LINGO2: variants seen among roughly 807,000 people sequenced by gnomAD.
LINGO2 encodes leucine rich repeat and Ig domain containing 2, also known as leucine-rich repeat and immunoglobulin-like domain-containing nogo receptor-interacting protein 2.
Under a neutral mutation model 30.6 loss-of-function variants are expected in LINGO2, and 14 were observed. The ratio of observed to expected loss-of-function variants is 0.46; its 90% CI spans 0.30 to 0.72. The LOEUF is 0.72. Ranked by LOEUF, LINGO2 falls within the 30% of genes least tolerant of loss-of-function variation. LINGO2 has a pLI of 0.07. For synonymous variants in LINGO2, 317 were observed against 288.5 expected (o/e 1.10, Z -1.00); for missense variants, 729 against 751.7 (o/e 0.97, Z 0.35).
At chr9:28,630,788 C>T (rs1826900855) in intron 1 of LINGO2, among the ~76,000 whole-genome samples, 1 of 151,976 alleles carries the variant, frequency 6.6e-6, no homozygotes, top group African/African-American at 2.4e-5. Context: ...GTAGAATCTA[C>T]AGCTAATACT....
chr9:28,400,936 G>C (rs1180744112), intron 2 of LINGO2, among the ~76,000 whole-genome samples: 2 of 152,122 alleles, frequency 1.3e-5, no homozygotes, highest in Non-Finnish European at 2.9e-5. Flanking sequence ...AGTCTGAACA[G>C]ATCTTTTGAA....
At chr9:28,224,236 T>G (rs1821067950) in intron 4 of LINGO2, among the ~76,000 whole-genome samples, 1 of 152,148 alleles carries the variant, frequency 6.6e-6, no homozygotes, top group Non-Finnish European at 1.5e-5. Flanking sequence ...AGTTAATTTT[T>G]TCTATTTTTA....
chr9:28,337,473 T>C (rs779308329), intron 3 of LINGO2, among the ~76,000 whole-genome samples: 9 of 152,138 alleles, frequency 5.9e-5, no homozygotes, highest in Non-Finnish European at 1.3e-4. Flanking sequence ...GAAATTTGTA[T>C]AAGTAACACG....
At chr9:28,570,779 C>G (rs1228129085) in intron 1 of LINGO2, among the ~76,000 whole-genome samples, 1 of 151,914 alleles carries the variant, frequency 6.6e-6, no homozygotes, top group Non-Finnish European at 1.5e-5. Flanking sequence ...TTAAAACACT[C>G]TTCAGTTGTT....
At chr9:28,660,107 TA>T (rs1241635517) in intron 1 of LINGO2, among the ~76,000 whole-genome samples, 1 of 152,064 alleles carries the variant, frequency 6.6e-6, no homozygotes, top group African/African-American at 2.4e-5. Flanking sequence ...CAAAAATATA[TA>T]AAAATTGCAT....
intron 4 of LINGO2, among the ~76,000 whole-genome samples, chr9:28,221,116 G>A (rs1454378578): frequency 6.6e-6 from 1 of 151,822 alleles, no homozygotes. Flanking sequence ...TCGCTAACAC[G>A]GTGAAACCCC....
the LINGO2 span, among the ~76,000 whole-genome samples, chr9:28,852,270 G>T: frequency 6.6e-6 from 1 of 152,066 alleles, no homozygotes; most frequent in East Asian, 1.9e-4. Context: ...TATTATCTAA[G>T]GTAGGGATGG....
At chr9:28,673,461 G>A (rs533606191), upstream of LINGO2, among the ~76,000 whole-genome samples, 238 of 152,240 alleles carry the variant, frequency 1.6e-3, 2 homozygotes, top group East Asian at 9.8e-3. Context: ...GAGGTCAGCA[G>A]TTTGAGACCA....
At chr9:28,307,679 C>T (rs1384072861) in intron 3 of LINGO2, among the ~76,000 whole-genome samples, 1 of 152,132 alleles carries the variant, frequency 6.6e-6, no homozygotes, top group Admixed American at 6.5e-5. Context: ...ATCTAGAAAA[C>T]CCCATTGTCT....
At chr9:28,476,920 A>G (rs1587725369) in intron 1 of LINGO2, among the ~76,000 whole-genome samples, 1 of 152,206 alleles carries the variant, frequency 6.6e-6, no homozygotes, top group East Asian at 1.9e-4. Flanking sequence ...GTAAAGTTGT[A>G]AAAGGAAATG....
chr9:28,371,310 T>C (rs984651298), intron 3 of LINGO2, among the ~76,000 whole-genome samples: 2 of 152,170 alleles, frequency 1.3e-5, no homozygotes, highest in Non-Finnish European at 2.9e-5. Flanking sequence ...TTTAACAAAA[T>C]ACCATCAATT....
chr9:28,177,921 T>A (rs952019744), intron 4 of LINGO2, among the ~76,000 whole-genome samples: 3 of 152,200 alleles, frequency 2.0e-5, no homozygotes, highest in African/African-American at 7.2e-5. Flanking sequence ...TATCAAATAC[T>A]CTTTACATTT....
chr9:28,961,742 AACCTCAAGAGAC>A, the LINGO2 span, among the ~76,000 whole-genome samples: 1 of 152,186 alleles, frequency 6.6e-6, no homozygotes, highest in African/African-American at 2.4e-5. Flanking sequence ...TCATCCACTG[AACCTCAAGAGAC>A]ACCTCTTTTC....
At chr9:28,526,249 AATT>A (rs988188948) in intron 1 of LINGO2, among the ~76,000 whole-genome samples, 2 of 152,084 alleles carry the variant, frequency 1.3e-5, no homozygotes, top group African/African-American at 4.8e-5. Flanking sequence ...GTCCTAATAA[AATT>A]ATTATGCTTT....
intron 1 of LINGO2, among the ~76,000 whole-genome samples, chr9:28,662,810 T>C (rs931164754): frequency 6.6e-6 from 1 of 152,158 alleles, no homozygotes; most frequent in Non-Finnish European, 1.5e-5. Flanking sequence ...AAAAACAATG[T>C]TCACCTATTT....
At chr9:28,282,921 A>C (rs1189722926) in intron 4 of LINGO2, among the ~76,000 whole-genome samples, 1 of 152,244 alleles carries the variant, frequency 6.6e-6, no homozygotes, top group Non-Finnish European at 1.5e-5. Context: ...GACAGAATGT[A>C]CTAATTATTC....
At chr9:28,370,614 G>A (rs1820856963) in intron 3 of LINGO2, among the ~76,000 whole-genome samples, 1 of 152,192 alleles carries the variant, frequency 6.6e-6, no homozygotes, top group Non-Finnish European at 1.5e-5. Flanking sequence ...AGTCAGGGAA[G>A]TAAAAGGGTT....
the LINGO2 span, among the ~76,000 whole-genome samples, chr9:29,057,664 A>G: frequency 1.3e-5 from 2 of 152,126 alleles, no homozygotes; most frequent in Admixed American, 6.6e-5. Flanking sequence ...AAGCAGCTCA[A>G]AAAAACTACA....
intron 2 of LINGO2, among the ~76,000 whole-genome samples, chr9:28,426,466 A>G (rs76914094): frequency 0.04 from 6,055 of 152,214 alleles, 138 homozygotes; most frequent in Middle Eastern, 0.058. Context: ...TGGAAGGTAA[A>G]AAGGATGAAA....
Sources: allele counts gnomAD v4.1 joint callset (sites outside exome capture counted in the v4.1 genomes callset), GRCh38; gene constraint gnomAD v4.1.1; transcripts MANE v1.5; gene names NCBI Gene and HGNC (gene_info 2026-07-23, HGNC 2026-07-21).